Variants in PIAS1 observed in about 807,000 individuals in gnomAD.
PIAS1 encodes the protein protein inhibitor of activated STAT 1.
PIAS1 carries 6 observed loss-of-function variants against 71.3 expected under a neutral mutation model. The observed-to-expected ratio is 0.08, with a 90% CI of 0.05 to 0.17. The LOEUF is 0.17. Among genes scored for constraint, PIAS1 ranks in the 10% least tolerant of loss-of-function variants. PIAS1 has a pLI of 1.00. For synonymous variants in PIAS1, 303 were observed against 292.9 expected (o/e 1.03, Z -0.35); for missense variants, 555 against 793.6 (o/e 0.70, Z 3.61).
chr15:68,095,849 C>G (rs2092370628), intron 2 of PIAS1, among the ~76,000 whole-genome samples: 1 of 152,104 alleles, frequency 6.6e-6, no homozygotes, highest in African/African-American at 2.4e-5. Context: ...TTCTTCATTC[C>G]TGACAGTGCT....
intron 2 of PIAS1, among the ~76,000 whole-genome samples, chr15:68,131,818 G>A (rs936008919): frequency 2.0e-5 from 3 of 152,118 alleles, no homozygotes; most frequent in Admixed American, 2.0e-4. Context: ...ATGAACATGG[G>A]AGTGTAGACA....
intron 2 of PIAS1, among the ~76,000 whole-genome samples, chr15:68,098,169 A>G (rs567377456): frequency 2.0e-5 from 3 of 152,144 alleles, no homozygotes; most frequent in Admixed American, 2.0e-4. Flanking sequence ...GTAACTTTTG[A>G]CTCCTCCAAA....
intron 1 of PIAS1, among the ~76,000 whole-genome samples, chr15:68,064,131 TA>T (rs1028066140): frequency 6.6e-6 from 1 of 152,206 alleles, no homozygotes; most frequent in African/African-American, 2.4e-5. Context: ...ATACCATTTT[TA>T]CTTGAAAAAA....
Position 68,185,791 on chromosome 15 carries a change from G to A in PIAS1, c.1663-1751G>A, listed in dbSNP as rs570454472. On this transcript the variant is annotated intron_variant, in intron 13 of 13. Transcript: ENST00000249636. The surrounding 1 kb of genome is among the most constrained non-coding windows in gnomAD (Gnocchi z 4.4). ...AGCCTGACCAACATGGTGAAACCCC[G>A]TCTCTACTAAAAATACAAAAATTAG... Among the ~76,000 whole-genome samples the A allele has an allele frequency of 3.4e-4, 52 of 152,066 alleles. No homozygotes were observed. The highest frequency in any genetic ancestry group is 1.0e-3 in the African/African-American group (43 of 41,484).
intron 1 of PIAS1, among the ~76,000 whole-genome samples, chr15:68,062,740 C>T (rs2091974090): frequency 6.6e-6 from 1 of 152,068 alleles, no homozygotes; most frequent in Non-Finnish European, 1.5e-5. Context: ...TAGATGAGAA[C>T]AAAACTAGGC....
Position 68,123,467 on chromosome 15 carries a change from C to T in PIAS1, c.470-18479C>T, listed in dbSNP as rs117827034. Reference sequence around the variant, plus strand: ...TAAAATTGCAACTACTACTTAGTCTCATTTTCTTGTCTATAAGTCTTGGCA... The same window carrying T: ...TAAAATTGCAACTACTACTTAGTCTTATTTTCTTGTCTATAAGTCTTGGCA... On this transcript the variant is annotated intron_variant, in intron 2 of 13. Coordinates refer to ENST00000249636, the MANE Select transcript of PIAS1 (RefSeq NM_016166.3). 2.6e-4 allele frequency among the ~76,000 whole-genome samples: 39 copies of T among 152,238 alleles called. 1 individual carries two copies. The East Asian group carries it at 3.1e-3, about 12-fold the overall frequency.
At chr15:68,102,364 A>G (rs528782820) in intron 2 of PIAS1, among the ~76,000 whole-genome samples, 1 of 152,202 alleles carries the variant, frequency 6.6e-6, no homozygotes, top group Non-Finnish European at 1.5e-5. Flanking sequence ...ACTATGTCAG[A>G]CTATGTAATA....
chr15:68,176,035 T>G (rs1023000882), intron 10 of PIAS1, among the ~76,000 whole-genome samples: 4 of 152,178 alleles, frequency 2.6e-5, no homozygotes, highest in Admixed American at 2.6e-4. Context: ...AACTGTACCC[T>G]TTTTAAATTT....
intron 1 of PIAS1, among the ~76,000 whole-genome samples, chr15:68,066,150 C>T (rs1016011430): frequency 6.6e-6 from 1 of 151,736 alleles, no homozygotes; most frequent in Non-Finnish European, 1.5e-5. Flanking sequence ...GACAGAGTCT[C>T]GCTCTGTTGC....
intron 7 of PIAS1, among the ~76,000 whole-genome samples, chr15:68,155,466 A>AAAAAAAAAAAAC: frequency 6.9e-6 from 1 of 145,502 alleles, no homozygotes; most frequent in Non-Finnish European, 1.5e-5. Flanking sequence ...AAAAAAAAAA[A>AAAAAAAAAAAAC]AAAAAACCAA....
intron 2 of PIAS1, among the ~76,000 whole-genome samples, chr15:68,110,616 G>T (rs1225082603): frequency 1.3e-5 from 2 of 151,838 alleles, no homozygotes; most frequent in African/African-American, 4.8e-5. Context: ...AAAAAAATTA[G>T]CTGGGCATGG....
At chr15:68,106,190 A>G (rs1343392624) in intron 2 of PIAS1, among the ~76,000 whole-genome samples, 5 of 152,042 alleles carry the variant, frequency 3.3e-5, no homozygotes, top group African/African-American at 1.2e-4. Flanking sequence ...TGTGTAAGAG[A>G]CAGAGTGCAT....
chr15:68,185,304 T>G lies in PIAS1; in HGVS notation c.1662+1637T>G, dbSNP rs1452269646. On this transcript the variant is annotated intron_variant, in intron 13 of 13. Transcript: ENST00000249636. This position sits in a 1 kb window ranked among gnomAD's most constrained non-coding sequence, Gnocchi z 4.4. ...CTATGACTGCATCAAGAACCTTGCT[T>G]GGGCATGGACTGATGTCACCAAGGA... Among the ~76,000 whole-genome samples the G allele has an allele frequency of 6.6e-6, 1 of 152,020 alleles. No homozygotes were observed. Among genetic ancestry groups the G allele is most frequent in the Non-Finnish European group, 1.5e-5 (1 of 68,006 alleles).
chr15:68,064,661 G>A (rs1204264706), intron 1 of PIAS1, among the ~76,000 whole-genome samples: 2 of 152,150 alleles, frequency 1.3e-5, no homozygotes, highest in East Asian at 3.8e-4. Context: ...GAAAAGGCTA[G>A]AGCATTTTAA....
chr15:68,144,119 G>GAAAAAAAAA (rs11330725), intron 4 of PIAS1, among the ~76,000 whole-genome samples: 1 of 124,598 alleles, frequency 8.0e-6, no homozygotes, highest in African/African-American at 2.9e-5. Context: ...CCAGGACTTG[G>GAAAAAAAAA]AAAAAAAAAA....
At chr15:68,121,595 A>G (rs909054047) in intron 2 of PIAS1, among the ~76,000 whole-genome samples, 6 of 151,700 alleles carry the variant, frequency 4.0e-5, no homozygotes, top group African/African-American at 1.2e-4. Context: ...TTAACCTTTA[A>G]ATATTGGTGG....
At chr15:68,181,384 A>G (rs760679046) in intron 12 of PIAS1, 30 bp downstream of exon 12, 9 of 1,604,644 alleles carry the variant, frequency 5.6e-6, no homozygotes, top group East Asian at 4.5e-5. Flanking sequence ...ACATTGTCAC[A>G]TAGCATTATG....
chr15:68,139,246 C>T (rs986932316), intron 2 of PIAS1, among the ~76,000 whole-genome samples: 1 of 152,116 alleles, frequency 6.6e-6, no homozygotes, highest in Non-Finnish European at 1.5e-5. Context: ...TTCTACTACT[C>T]TCTGTTGGGC....
chr15:68,170,364 T>C (rs2092983959), intron 8 of PIAS1, among the ~76,000 whole-genome samples: 1 of 152,204 alleles, frequency 6.6e-6, no homozygotes, highest in Non-Finnish European at 1.5e-5. Context: ...AACTGAATAC[T>C]GTAGGCAGTT....
Sources: gnomAD v4.1 joint callset for allele counts (sites outside exome capture counted in the v4.1 genomes callset) on GRCh38, gnomAD v4.1.1 for gene constraint, Gnocchi (gnomAD v3.1) non-coding constraint, MANE v1.5 for transcripts, NCBI Gene and HGNC (gene_info 2026-07-23, HGNC 2026-07-21) for gene names.